The following SLC28A2 variants were observed in gnomAD, a reference collection of about 807,000 sequenced individuals.
The protein encoded by SLC28A2 is sodium/nucleoside cotransporter 2.
Under a neutral mutation model 72.9 loss-of-function variants are expected in SLC28A2, and 69 were observed. The observed-to-expected ratio is 0.95, with a 90% CI of 0.78 to 1.16. The LOEUF is 1.16. Among genes scored for constraint, SLC28A2 ranks in the 50% most tolerant of loss-of-function variants. The probability of loss-of-function intolerance (pLI) is 0.00; values close to 1 mark genes in which losing one functional copy is unlikely to be tolerated. For missense variants in SLC28A2, 745 were observed against 791.1 expected (o/e 0.94, Z 0.70); for synonymous variants, 296 against 294.1 (o/e 1.01, Z -0.07).
chr15:45,269,628 C>T (rs1258232873), intron 14 of SLC28A2, 93 bp downstream of exon 14: 5 of 1,046,306 alleles, frequency 4.8e-6, no homozygotes, highest in Non-Finnish European at 5.8e-6. Context: ...TTGTTGCAGA[C>T]CTGCAGATGC....
intron 10 of SLC28A2, 146 bp downstream of exon 10, chr15:45,266,307 A>T: frequency 1.5e-6 from 1 of 658,726 alleles, no homozygotes; most frequent in Non-Finnish European, 2.7e-6. Context: ...TCAGCAGCTC[A>T]AAGAAGACTC....
At chr15:45,259,988 G>A (rs552205547) in intron 3 of SLC28A2, among the ~76,000 whole-genome samples, 1 of 152,242 alleles carries the variant, frequency 6.6e-6, no homozygotes, top group African/African-American at 2.4e-5. Flanking sequence ...TAGTACATCG[G>A]TTTAGGTCCC....
chr15:45,266,231 T>C (rs1471668255), intron 10 of SLC28A2, 70 bp downstream of exon 10: 17 of 1,113,358 alleles, frequency 1.5e-5, no homozygotes, highest in Non-Finnish European at 2.2e-5. Flanking sequence ...AACAAGAGTA[T>C]GCTTTCCTTC....
intron 15 of SLC28A2, among the ~76,000 whole-genome samples, 169 bp downstream of exon 15, chr15:45,270,445 C>T (rs1900513985): frequency 6.6e-6 from 1 of 152,202 alleles, no homozygotes; most frequent in Non-Finnish European, 1.5e-5. Context: ...TCATGCCCAC[C>T]TGGCTAATGC....
chr15:45,267,898 AT>A (rs1900397751), intron 12 of SLC28A2, 102 bp downstream of exon 12: 1 of 1,347,984 alleles, frequency 7.4e-7, no homozygotes, highest in African/African-American at 1.4e-5. Flanking sequence ...GAATAATGTG[AT>A]TCCATATTCC....
At chr15:45,254,311 G>T (rs577079223) in intron 3 of SLC28A2, among the ~76,000 whole-genome samples, 2 of 152,106 alleles carry the variant, frequency 1.3e-5, no homozygotes, top group African/African-American at 4.8e-5. Flanking sequence ...ATGATGGACC[G>T]CATTATACAA....
chr15:45,257,118 T>C (rs999185100), intron 3 of SLC28A2, among the ~76,000 whole-genome samples: 3 of 152,240 alleles, frequency 2.0e-5, no homozygotes, highest in Non-Finnish European at 2.9e-5. Context: ...ATGCATGTCA[T>C]TACATCATTG....
intron 14 of SLC28A2, among the ~76,000 whole-genome samples, chr15:45,269,933 C>T (rs1037189829): frequency 2.0e-5 from 3 of 152,200 alleles, no homozygotes; most frequent in Admixed American, 6.5e-5. Context: ...CCTCCTCCTT[C>T]GCAATCCTTC....
chr15:45,270,109 G>C, intron 14 of SLC28A2, 86 bp from the exon 15 acceptor site: 1 of 892,232 alleles, frequency 1.1e-6, no homozygotes, highest in Non-Finnish European at 1.9e-6. Flanking sequence ...ACTGGGGGCT[G>C]TCAGTACTCT....
At chr15:45,274,951 T>C (rs1900704066) in intron 17 of SLC28A2, among the ~76,000 whole-genome samples, 1 of 152,194 alleles carries the variant, frequency 6.6e-6, no homozygotes, top group Admixed American at 6.5e-5. Flanking sequence ...TCTTATGTTC[T>C]TGTGGCATTT....
chr15:45,268,226 C>T lies in SLC28A2; in HGVS notation c.1216C>T (p.Leu406=), dbSNP rs769697406. ...TAACCACAGGAAGGAGAGGAATGTC[C>T]TGGAAGCTGCCAGCAACGGAGCCGT... ...KLPRGKERNV[L]EAASNGAVDA... The change falls in exon 13 of 18, where the codon CTG becomes TTG. Residue 406 remains leucine, a synonymous_variant. Coordinates refer to ENST00000347644, the MANE Select transcript of SLC28A2 (RefSeq NM_004212.4). 2 of 1,606,126 alleles carry T rather than the reference C, an allele frequency of 1.2e-6. No individual in the cohort carries two copies. Among genetic ancestry groups the T allele is most frequent in the Non-Finnish European group, 1.7e-6 (2 of 1,173,330 alleles).
Position 45,269,480 on chromosome 15 carries a change from A to T in SLC28A2, c.1511A>T (p.Asn504Ile). 6.2e-7 allele frequency: 1 copy of T among 1,614,168 alleles called. No individual in the cohort carries two copies. The highest frequency in any genetic ancestry group is 2.2e-5 in the East Asian group (1 of 44,884). ...VAYQQLSQYKNKRLSGMEEWI... is the reference protein window; with the variant it reads ...VAYQQLSQYKIKRLSGMEEWI... ...TATCAGCAACTGTCTCAATACAAGA[A>T]CAAACGTCTCTCTGGAATGGAGGAG... The change falls in exon 14 of 18, where the codon AAC becomes ATC. Residue 504 changes from asparagine to isoleucine, a missense_variant. Transcript: ENST00000347644.
At chr15:45,259,047 G>C (rs966935685) in intron 3 of SLC28A2, among the ~76,000 whole-genome samples, 101 of 152,248 alleles carry the variant, frequency 6.6e-4, no homozygotes, top group African/African-American at 2.4e-3. Context: ...TAATGGCTAA[G>C]GAACTTGTGC....
At chr15:45,275,198 T>C (rs1900713265) in intron 17 of SLC28A2, among the ~76,000 whole-genome samples, 198 bp from the exon 18 acceptor site, 1 of 152,176 alleles carries the variant, frequency 6.6e-6, no homozygotes, top group Non-Finnish European at 1.5e-5. Context: ...CAGACACACA[T>C]GGTTTATGGT....
chr15:45,275,537 C>T lies in SLC28A2; in HGVS notation c.*24C>T. On this transcript the variant is annotated 3_prime_UTR_variant, in exon 18 of 18. Coordinates refer to ENST00000347644, the MANE Select transcript of SLC28A2 (RefSeq NM_004212.4). The stretch of plus-strand genomic sequence containing the variant: ...AAGGCTGCTTGATCTATTTCTATAA[C>T]AGTTTTGATCTTAAAAGCTTTGTGA... The T allele has an allele frequency of 2.1e-6, 3 of 1,426,960 alleles. No individual in the cohort carries two copies. Among genetic ancestry groups the T allele is most frequent in the South Asian group, 1.2e-5 (1 of 85,856 alleles). 88.4% of individuals were successfully genotyped at this position (1,426,960 alleles called of 1,614,324 possible). A position where few individuals can be genotyped will look rare whatever the true frequency, so the allele number is the denominator to read the frequency against.
Position 45,272,694 on chromosome 15 carries a change from G to C in SLC28A2, c.1769G>C (p.Gly590Ala). The C allele has an allele frequency of 1.2e-6, 2 of 1,605,746 alleles. No homozygotes were observed. The highest frequency in any genetic ancestry group is 1.7e-6 in the Non-Finnish European group (2 of 1,172,450). Reference sequence around the variant, plus strand: ...CCAGGAATCCTCTATGTCCCCAGGGGAGCTGAAGCTGACTGTGTCTCCTTC... The same window carrying C: ...CCAGGAATCCTCTATGTCCCCAGGGCAGCTGAAGCTGACTGTGTCTCCTTC... ...CMAGILYVPR[G>A]AEADCVSFPN... Residue 590 changes from glycine (G) to alanine (A), a missense_variant, in exon 17 of 18, where the codon GGA becomes GCA. Coordinates refer to ENST00000347644, the MANE Select transcript of SLC28A2 (RefSeq NM_004212.4).
chr15:45,264,127 G>A (rs922924455), intron 6 of SLC28A2, 105 bp downstream of exon 6: 2 of 1,071,616 alleles, frequency 1.9e-6, no homozygotes, highest in Non-Finnish European at 2.6e-6. Flanking sequence ...CATAGAACTA[G>A]TTCATAACAA....
At chr15:45,252,533 T>C (rs2140553878) in intron 1 of SLC28A2, among the ~76,000 whole-genome samples, 1 of 152,372 alleles carries the variant, frequency 6.6e-6, no homozygotes, top group Admixed American at 6.5e-5. Context: ...ATTCTAATTG[T>C]GAATGTCCAT....
rs1340812643 is a variant in SLC28A2, at chr15:45,276,691, C to T, written c.*1178C>T. 1 of 151,966 alleles carries T rather than the reference C, an allele frequency of 6.6e-6. No homozygotes were observed. Among genetic ancestry groups the T allele is most frequent in the Non-Finnish European group, 1.5e-5 (1 of 67,992 alleles). The allele number at this position is 151,966 out of a possible 1,614,324, so 9.4% of individuals were successfully genotyped here. A position where few individuals can be genotyped will look rare whatever the true frequency, so the allele number is the denominator to read the frequency against. On this transcript the variant is annotated 3_prime_UTR_variant, in exon 18 of 18. Transcript: ENST00000347644. ...TAATTTGCCTGGGACGGGGGAGAAG[C>T]TACATTTATTGGCATTGTGGATGAG...
Sources: allele counts gnomAD v4.1 joint callset (sites outside exome capture counted in the v4.1 genomes callset), GRCh38; gene constraint gnomAD v4.1.1; transcripts MANE v1.5; gene names NCBI Gene and HGNC (gene_info 2026-07-23, HGNC 2026-07-21).